DNA2: variants seen among roughly 807,000 people sequenced by gnomAD.
DNA2 encodes DNA replication ATP-dependent helicase/nuclease DNA2.
DNA2 carries 101 observed loss-of-function variants against 119.1 expected under a neutral mutation model. That is an observed-to-expected ratio of 0.85 (90% CI 0.72 to 1.00). The LOEUF (loss-of-function observed/expected upper bound fraction) is 1.00. DNA2 is among the 50% of genes least tolerant of loss of function. The probability of loss-of-function intolerance (pLI) is 0.00; values close to 1 mark genes in which losing one functional copy is unlikely to be tolerated. For synonymous variants in DNA2, 366 were observed against 424.4 expected, an observed-to-expected ratio of 0.86 and a Z score of 1.69; for missense variants, 1,121 against 1,255.5, an observed-to-expected ratio of 0.89 and a Z score of 1.62.
At chr10:68,452,778 C>A (rs2133419431) in intron 5 of DNA2, among the ~76,000 whole-genome samples, 1 of 108,126 alleles carries the variant, frequency 9.2e-6, no homozygotes, top group African/African-American at 3.4e-5. Context: ...GGGACAAGTT[C>A]TCACCATGTT....
chr10:68,458,632 T>C (rs991110268), intron 5 of DNA2, among the ~76,000 whole-genome samples: 2 of 151,510 alleles, frequency 1.3e-5, no homozygotes, highest in East Asian at 2.0e-4. Context: ...GTGGATCACC[T>C]GAAGTTAGGA....
chr10:68,443,155 C>T, intron 8 of DNA2, 44 bp from the exon 9 acceptor site: 2 of 1,492,688 alleles, frequency 1.3e-6, no homozygotes, highest in Non-Finnish European at 1.8e-6. Context: ...AAACCATTTC[C>T]CTGGCTGGGT....
intron 6 of DNA2, among the ~76,000 whole-genome samples, chr10:68,448,935 GT>G (rs1316242044): frequency 2.3e-4 from 11 of 47,444 alleles, no homozygotes; most frequent in East Asian, 7.6e-4. Flanking sequence ...CACACCAGGT[GT>G]GTGTGTGTGT....
chr10:68,422,091 G>C, intron 17 of DNA2, 134 bp downstream of exon 17: 1 of 681,400 alleles, frequency 1.5e-6, no homozygotes, highest in Non-Finnish European at 2.4e-6. Flanking sequence ...GGGATTACAG[G>C]TGTGAGCCAC....
rs767334698 is a variant in DNA2, at chr10:68,422,679, A to G, written c.2402+18T>C. Reference sequence around the variant, plus strand: ...GAAAATAATCTAGTTTAAAATTAACACTTAAGTGTCTGCCTACCTTGCTTC... The same window carrying G: ...GAAAATAATCTAGTTTAAAATTAACGCTTAAGTGTCTGCCTACCTTGCTTC... On this transcript the variant is annotated intron_variant, in intron 15 of 20. Transcript: ENST00000358410. The G allele has an allele frequency of 1.2e-6, 2 of 1,613,642 alleles. No homozygotes were observed. Among genetic ancestry groups the G allele is most frequent in the South Asian group, 2.2e-5 (2 of 91,074 alleles).
intron 4 of DNA2, among the ~76,000 whole-genome samples, chr10:68,459,978 G>T (rs924472253): frequency 1.3e-5 from 2 of 151,486 alleles, no homozygotes; most frequent in Non-Finnish European, 2.9e-5. Flanking sequence ...AGTGAGCTGA[G>T]ATCGCACCAG....
At chr10:68,468,356 A>C (rs779521152) in intron 2 of DNA2, 50 bp from the exon 3 acceptor site, 1 of 1,232,128 alleles carries the variant, frequency 8.1e-7, no homozygotes, top group African/African-American at 1.5e-5. Context: ...AGGTTCCTAC[A>C]TGTAAACGTA....
chr10:68,469,051 A>G (rs762012083), intron 2 of DNA2, among the ~76,000 whole-genome samples: 46 of 152,332 alleles, frequency 3.0e-4, no homozygotes, highest in Non-Finnish European at 3.8e-4. Flanking sequence ...CTCCGTCTCC[A>G]AAAACCACAA....
intron 4 of DNA2, among the ~76,000 whole-genome samples, chr10:68,459,976 G>C (rs1377489837): frequency 1.3e-5 from 2 of 151,422 alleles, no homozygotes; most frequent in East Asian, 3.9e-4. Flanking sequence ...GCAGTGAGCT[G>C]AGATCGCACC....
At chr10:68,463,376 G>A (rs61855139) in intron 4 of DNA2, among the ~76,000 whole-genome samples, 12,972 of 148,300 alleles carry the variant, frequency 0.087, 818 homozygotes, top group South Asian at 0.24. Context: ...CCCAGGAGGC[G>A]GAGCTTGCAG....
chr10:68,429,592 G>C (rs2051789396), intron 14 of DNA2, among the ~76,000 whole-genome samples: 1 of 143,844 alleles, frequency 7.0e-6, no homozygotes, highest in Non-Finnish European at 1.5e-5. Context: ...GGTGCCTGTA[G>C]TCCCAGCTAC....
In DNA2 at chr10:68,437,100, A is replaced by G; in HGVS notation, c.1557T>C (p.Ile519=). The G allele has an allele frequency of 1.2e-6, 2 of 1,613,976 alleles. No individual in the cohort carries two copies. Among genetic ancestry groups the G allele is most frequent in the Non-Finnish European group, 1.7e-6 (2 of 1,179,890 alleles). The change falls in exon 10 of 21, where the codon ATT becomes ATC. Residue 519 remains isoleucine, a synonymous_variant. Transcript: ENST00000358410. ...ACAGTGACCTTTCTTCTCCACTTAC[A>G]ATAACTCTGTCACCTGCCATTAGAT... ...VTNLMAGDRV[I]VSGEERSLFA... is the part of the protein sequence containing the mutation.
chr10:68,416,372 A>AG (rs2051589540), intron 20 of DNA2, among the ~76,000 whole-genome samples: 1 of 152,172 alleles, frequency 6.6e-6, no homozygotes, highest in Non-Finnish European at 1.5e-5. Flanking sequence ...AGGCTGAGGT[A>AG]GGAAGATCAC....
At chr10:68,443,233 C>T (rs2133398758) in intron 8 of DNA2, 122 bp from the exon 9 acceptor site, 1 of 841,924 alleles carries the variant, frequency 1.2e-6, no homozygotes, top group African/African-American at 1.7e-5. Flanking sequence ...ACCACAGCCC[C>T]TAATGTTCCT....
intron 13 of DNA2, among the ~76,000 whole-genome samples, chr10:68,431,472 A>C (rs2133378419): frequency 1.3e-5 from 2 of 152,128 alleles, no homozygotes; most frequent in South Asian, 4.2e-4. Context: ...TTTAGTAGAG[A>C]GGGGGTTTCA....
Position 68,422,741 on chromosome 10 carries a change from C to T in DNA2, c.2358G>A (p.Gly786=), listed in dbSNP as rs773533815. Residue 786 remains glycine (G), a synonymous_variant, in exon 15 of 21, where the codon GGG becomes GGA. Coordinates refer to ENST00000358410, the MANE Select transcript of DNA2 (RefSeq NM_001080449.3). ...CCAGGGGAGGAAGCTGCTGATGGTCCCCCACTAACACAAATCTCCGTGAAA... is the reference window on the plus strand; with the variant it reads ...CCAGGGGAGGAAGCTGCTGATGGTCTCCCACTAACACAAATCTCCGTGAAA... ...LFFSRRFVLV[G]DHQQLPPLVL... 36 of 1,611,888 alleles carry T rather than the reference C, an allele frequency of 2.2e-5. No individual in the cohort carries two copies. Among genetic ancestry groups the T allele is most frequent in the South Asian group, 3.3e-5 (3 of 90,688 alleles).
chr10:68,458,488 CA>C (rs2052214229), intron 5 of DNA2, among the ~76,000 whole-genome samples: 1 of 149,302 alleles, frequency 6.7e-6, no homozygotes, highest in South Asian at 2.1e-4. Context: ...AAGCCGAAAT[CA>C]TGCCACTGCA....
chr10:68,464,469 C>T (rs548966495), intron 4 of DNA2, among the ~76,000 whole-genome samples: 2 of 151,386 alleles, frequency 1.3e-5, no homozygotes, highest in South Asian at 4.2e-4. Context: ...GAGCCAAGAG[C>T]AAGCCACCGC....
chr10:68,423,024 T>G, intron 14 of DNA2, 134 bp from the exon 15 acceptor site: 1 of 623,612 alleles, frequency 1.6e-6, no homozygotes, highest in Non-Finnish European at 2.6e-6. Context: ...TATTTAATTC[T>G]GAAATATTTA....
Sources: allele counts gnomAD v4.1 joint callset (sites outside exome capture counted in the v4.1 genomes callset), GRCh38; gene constraint gnomAD v4.1.1; transcripts MANE v1.5; gene names NCBI Gene and HGNC (gene_info 2026-07-23, HGNC 2026-07-21).